The following ADAM22 variants were observed in gnomAD, a reference collection of about 807,000 sequenced individuals.
ADAM22 encodes the protein disintegrin and metalloproteinase domain-containing protein 22.
In ADAM22, 65 loss-of-function variants were observed where a neutral mutation model predicts 144.6. That is an observed-to-expected ratio of 0.45 (90% CI 0.37 to 0.55). ADAM22 has a LOEUF of 0.55. Ranked by LOEUF, ADAM22 falls within the 20% of genes least tolerant of loss-of-function variation. The probability of loss-of-function intolerance (pLI) is 0.00; values close to 1 mark genes in which losing one functional copy is unlikely to be tolerated. For missense variants in ADAM22, 974 were observed against 1,184.9 expected (o/e 0.82, Z 2.61); for synonymous variants, 391 against 412.6 (o/e 0.95, Z 0.63).
intron 3 of ADAM22, among the ~76,000 whole-genome samples, chr7:88,032,633 T>A (rs1315724645): frequency 6.6e-6 from 1 of 152,158 alleles, no homozygotes; most frequent in South Asian, 2.1e-4. Flanking sequence ...GAAAAGGACA[T>A]GAGATTCGGT....
Position 88,199,839 on chromosome 7 carries a change from G to T in ADAM22, c.*3348G>T, listed in dbSNP as rs1254754720. The T allele has an allele frequency of 6.6e-6, 1 of 152,060 alleles. No individual in the cohort carries two copies. Among genetic ancestry groups the T allele is most frequent in the East Asian group, 1.9e-4 (1 of 5,186 alleles). 9.4% of individuals were successfully genotyped at this position (152,060 alleles called of 1,614,324 possible). On this transcript the variant is annotated 3_prime_UTR_variant, in exon 32 of 32. Coordinates refer to ENST00000413139, the MANE Select transcript of ADAM22 (RefSeq NM_001324418.2). ...TCTCTTTTCCCTGTTACTTTAAAAA[G>T]AATTTTAAAATTGTGTTTGTATATA...
In ADAM22 at chr7:88,190,778, C is replaced by T. The variant is rs75686455; in HGVS notation, c.2751-2338C>T. On this transcript the variant is annotated intron_variant, in intron 30 of 31. Coordinates refer to ENST00000413139, the MANE Select transcript of ADAM22 (RefSeq NM_001324418.2). ...TTTTCCCTAAAGTGTTTTACCGTAC[C>T]GTGTTCTCTACTCCTATTTTGACTC... Among the ~76,000 whole-genome samples the T allele has an allele frequency of 3.3e-5, 5 of 152,124 alleles. No individual in the cohort carries two copies. In the East Asian group the frequency reaches 7.7e-4, roughly 24 times the overall value.
At chr7:87,955,601 C>T (rs1846469591) in intron 2 of ADAM22, among the ~76,000 whole-genome samples, 1 of 152,188 alleles carries the variant, frequency 6.6e-6, no homozygotes, top group Admixed American at 6.5e-5. Context: ...CTTGAGGAGG[C>T]AGTCTGCCCG....
chr7:88,048,715 G>T (rs1486111007), intron 3 of ADAM22, among the ~76,000 whole-genome samples: 1 of 151,824 alleles, frequency 6.6e-6, no homozygotes, highest in East Asian at 1.9e-4. Context: ...ATACAGGGTG[G>T]TCGCTAAGTC....
chr7:88,186,722 T>TA, intron 30 of ADAM22, 21 bp downstream of exon 30: 2 of 1,439,770 alleles, frequency 1.4e-6, no homozygotes, highest in Non-Finnish European at 2.0e-6. Context: ...AATTAATTTT[T>TA]ATATCCTTCT....
intron 2 of ADAM22, among the ~76,000 whole-genome samples, chr7:87,958,484 C>G (rs1057314738): frequency 2.0e-5 from 3 of 151,762 alleles, no homozygotes; most frequent in Non-Finnish European, 4.4e-5. Flanking sequence ...CTCCCGGGTT[C>G]AAGTGATTCT....
At position 88,165,845 on chromosome 7, in the gene ADAM22, A is replaced by T; in HGVS notation, c.2090A>T (p.Glu697Val). Reference sequence around the variant, plus strand: ...TTTGGATCTCAGGTTTGCAGTAATGAGCTGAAGTGTGTGTGTAACAGACAC... The same window carrying T: ...TTTGGATCTCAGGTTTGCAGTAATGTGCTGAAGTGTGTGTGTAACAGACAC... ...ICSGNGVCSN[E>V]LKCVCNRHWI... Residue 697 changes from glutamate (E) to valine (V), a missense_variant, in exon 24 of 32, where the codon GAG becomes GTG. Coordinates refer to ENST00000413139, the MANE Select transcript of ADAM22 (RefSeq NM_001324418.2). 1 of 1,606,986 alleles carries T rather than the reference A, an allele frequency of 6.2e-7. No homozygotes were observed.
chr7:88,087,823 T>G (rs1177591988), intron 4 of ADAM22, among the ~76,000 whole-genome samples: 1 of 152,220 alleles, frequency 6.6e-6, no homozygotes, highest in African/African-American at 2.4e-5. Flanking sequence ...TCCTAATCCT[T>G]AACGATGAGT....
intron 2 of ADAM22, among the ~76,000 whole-genome samples, chr7:87,960,384 G>A (rs1245046237): frequency 6.6e-6 from 1 of 151,560 alleles, no homozygotes; most frequent in Non-Finnish European, 1.5e-5. Flanking sequence ...GGGTGTGTGT[G>A]TGTGTGTGTG....
In ADAM22 at chr7:88,186,601, A is replaced by T; in HGVS notation, c.2664-14A>T. ...TTGTTCTGCTTTCTTTGTTCCTTCC[A>T]TTGCTTTCTGCAGGTATTTAAACCC... On this transcript the variant is annotated splice_polypyrimidine_tract_variant and intron_variant, in intron 29 of 31. Transcript: ENST00000413139. The T allele has an allele frequency of 6.4e-7, 1 of 1,557,540 alleles. No individual in the cohort carries two copies. The highest frequency in any genetic ancestry group is 1.4e-5 in the African/African-American group (1 of 73,884).
chr7:88,127,143 C>A (rs969818701), intron 8 of ADAM22, among the ~76,000 whole-genome samples: 2 of 151,614 alleles, frequency 1.3e-5, no homozygotes, highest in African/African-American at 4.8e-5. Flanking sequence ...TCTTGAGGCC[C>A]AGTTAGATAA....
chr7:87,990,138 T>C (rs1252278889), intron 3 of ADAM22, among the ~76,000 whole-genome samples: 1 of 151,972 alleles, frequency 6.6e-6, no homozygotes, highest in African/African-American at 2.4e-5. Context: ...TTTGGGGTGA[T>C]AGATACAAAA....
At chr7:88,151,401 T>C (rs1838336861) in intron 20 of ADAM22, 81 bp downstream of exon 20, 2 of 1,502,176 alleles carry the variant, frequency 1.3e-6, no homozygotes, top group South Asian at 1.1e-5. Context: ...TGGAAGTAAA[T>C]TTTTGACTAC....
intron 3 of ADAM22, among the ~76,000 whole-genome samples, chr7:88,036,363 T>A (rs554523799): frequency 8.5e-5 from 13 of 152,282 alleles, no homozygotes; most frequent in African/African-American, 2.4e-4. Context: ...TGGAAAAATA[T>A]AATATCTTTC....
At chr7:88,055,472 G>A (rs559813826) in intron 3 of ADAM22, among the ~76,000 whole-genome samples, 9 of 151,904 alleles carry the variant, frequency 5.9e-5, no homozygotes, top group South Asian at 4.2e-4. Context: ...TCCCATCCCC[G>A]TTTCCTTTTT....
chr7:88,158,037 A>C (rs1840477377), intron 22 of ADAM22, among the ~76,000 whole-genome samples: 1 of 152,164 alleles, frequency 6.6e-6, no homozygotes, highest in Non-Finnish European at 1.5e-5. Context: ...CTATAGACTC[A>C]AAATGAAAGG....
At chr7:88,179,269 A>C (rs563157598) in intron 27 of ADAM22, 140 bp downstream of exon 27, 2 of 437,972 alleles carry the variant, frequency 4.6e-6, no homozygotes, top group East Asian at 8.4e-5. Flanking sequence ...AGCAAACCAA[A>C]CAATAACTCT....
At chr7:88,101,019 G>A (rs534329612) in intron 4 of ADAM22, among the ~76,000 whole-genome samples, 1 of 150,614 alleles carries the variant, frequency 6.6e-6, no homozygotes, top group South Asian at 2.1e-4. Context: ...GATGCAGTAG[G>A]GTTCAAGGAC....
intron 3 of ADAM22, among the ~76,000 whole-genome samples, chr7:88,005,889 A>G (rs1431466866): frequency 6.6e-6 from 1 of 152,188 alleles, no homozygotes; most frequent in East Asian, 1.9e-4. Flanking sequence ...CAAGTACCAC[A>G]AAAACCTACA....
Sources: allele counts gnomAD v4.1 joint callset (sites outside exome capture counted in the v4.1 genomes callset), GRCh38; gene constraint gnomAD v4.1.1; transcripts MANE v1.5; gene names NCBI Gene and HGNC (gene_info 2026-07-23, HGNC 2026-07-21).